BOP1: variants seen among roughly 807,000 people sequenced by gnomAD.
BOP1 encodes the protein BOP1 ribosomal biogenesis factor.
In BOP1, 54 loss-of-function variants were observed where a neutral mutation model predicts 82.9. That is an observed-to-expected ratio of 0.65 (90% confidence interval 0.52 to 0.82). The LOEUF (loss-of-function observed/expected upper bound fraction) is 0.82, where lower values mean the gene tolerates loss of function less well. BOP1 is among the 40% of genes least tolerant of loss of function. BOP1 has a pLI of 0.00. For missense variants in BOP1, 1,170 were observed against 1,072.0 expected, an observed-to-expected ratio of 1.09 and a Z score of -1.28; for synonymous variants, 566 against 451.1, an observed-to-expected ratio of 1.25 and a Z score of -3.23.
Position 144,284,697 on chromosome 8 carries a change from C to T in BOP1, c.309+4398G>A, listed in dbSNP as rs527978564. On this transcript the variant is annotated intron_variant, in intron 2 of 15. Coordinates refer to ENST00000569669, the MANE Select transcript of BOP1 (RefSeq NM_015201.5). ...AGGAGACTCGTTCCCTGGCACACCC[C>T]TCAGGAGCACCTGAGCATCCAAAGG... 5.3e-5 allele frequency among the ~76,000 whole-genome samples: 8 copies of T among 152,342 alleles called. No individual in the cohort carries two copies. The South Asian group carries it at 1.7e-3, about 32-fold the overall frequency.
Position 144,262,575 on chromosome 8 carries a change from C to G in BOP1, c.1979+13G>C, listed in dbSNP as rs1845232666. The stretch of plus-strand genomic sequence containing the variant: ...GGGCTCTGCTGGCCGCCTCCACCCC[C>G]AGCTTTCCTCACCTCAGCATCCTGT... On this transcript the variant is annotated intron_variant, in intron 14 of 15. Coordinates refer to ENST00000569669, the MANE Select transcript of BOP1 (RefSeq NM_015201.5). 1 of 1,613,376 alleles carries G rather than the reference C, an allele frequency of 6.2e-7. No individual in the cohort carries two copies. The highest frequency in any genetic ancestry group is 2.2e-5 in the East Asian group (1 of 44,882).
Position 144,264,448 on chromosome 8 carries a change from A to G in BOP1, c.766-11T>C. Reference sequence around the variant, plus strand: ...CACCATGCGAGAGACCTGCATAGACAGCCGGGTCAGGACGGGCAGTGCGGG... The same window carrying G: ...CACCATGCGAGAGACCTGCATAGACGGCCGGGTCAGGACGGGCAGTGCGGG... On this transcript the variant is annotated splice_polypyrimidine_tract_variant and intron_variant, in intron 6 of 15. Transcript: ENST00000569669. 6.2e-7 allele frequency: 1 copy of G among 1,605,370 alleles called. No homozygotes were observed. The highest frequency in any genetic ancestry group is 8.5e-7 in the Non-Finnish European group (1 of 1,179,670).
intron 2 of BOP1, among the ~76,000 whole-genome samples, chr8:144,283,017 CCTCT>C (rs1370657783): frequency 6.6e-6 from 1 of 150,412 alleles, no homozygotes; most frequent in Non-Finnish European, 1.5e-5. Context: ...GGTGACACTC[CCTCT>C]CTACTAAAAA....
At position 144,262,443 on chromosome 8, in the gene BOP1, T is replaced by C; in HGVS notation, c.2040A>G (p.Ser680=). ...AFHPRYPLFA[S]GSDDGSVIVC... is the part of the protein sequence containing the mutation. ...CGATGACACTGCCGTCGTCCGAGCC[T>C]GACGCAAAGAGTGGGTACCGCGGGT... The change falls in exon 15 of 16, where the codon TCA becomes TCG. Residue 680 remains serine, a synonymous_variant. Transcript: ENST00000569669. 1 of 1,612,904 alleles carries C rather than the reference T, an allele frequency of 6.2e-7. No individual in the cohort carries two copies. Among genetic ancestry groups the C allele is most frequent in the Non-Finnish European group, 8.5e-7 (1 of 1,179,830 alleles).
intron 2 of BOP1, among the ~76,000 whole-genome samples, chr8:144,285,027 G>A (rs1048826694): frequency 4.6e-5 from 7 of 152,322 alleles, no homozygotes; most frequent in South Asian, 4.1e-4. Context: ...GCCCCGGGCC[G>A]GTCTGGGTTG....
intron 3 of BOP1, chr8:144,266,994 G>A: frequency 1.3e-6 from 2 of 1,546,944 alleles, no homozygotes; most frequent in Non-Finnish European, 1.7e-6. Flanking sequence ...TCTCGCACCT[G>A]GGCAACGTGC....
chr8:144,272,953 G>A (rs1044581769), intron 3 of BOP1, among the ~76,000 whole-genome samples: 18 of 152,184 alleles, frequency 1.2e-4, no homozygotes, highest in African/African-American at 2.9e-4. Context: ...GACCAGACCC[G>A]AGGGCCAGCC....
intron 2 of BOP1, among the ~76,000 whole-genome samples, chr8:144,280,862 A>G (rs1187448844): frequency 6.6e-6 from 1 of 151,912 alleles, no homozygotes; most frequent in African/African-American, 2.4e-5. Flanking sequence ...GAAAAAAAAA[A>G]AAATCTGGAA....
rs1156735585 is a variant in BOP1, at chr8:144,262,090, G to C, written c.*74C>G. 2.5e-6 allele frequency: 4 copies of C among 1,600,194 alleles called. No homozygotes were observed. The highest frequency in any genetic ancestry group is 1.1e-5 in the South Asian group (1 of 90,428). ...TGGCAACCCCAATTCAAGAAGGTGG[G>C]AGCACCAGGCAGCACAGGGTAAAGG... is the stretch of plus-strand genomic sequence containing the variant. On this transcript the variant is annotated 3_prime_UTR_variant, in exon 16 of 16. Coordinates refer to ENST00000569669, the MANE Select transcript of BOP1 (RefSeq NM_015201.5).
At position 144,291,381 on chromosome 8, in the gene BOP1, G is replaced by T. The variant is rs1417087654; in HGVS notation, c.-11C>A. 8.4e-7 allele frequency: 1 copy of T among 1,192,342 alleles called. No individual in the cohort carries two copies. The allele number at this position is 1,192,342 out of a possible 1,614,324, so 73.9% of individuals were successfully genotyped here. On this transcript the variant is annotated 5_prime_UTR_variant, in exon 1 of 16. Transcript: ENST00000569669. The surrounding 1 kb of genome is among the most constrained non-coding windows in gnomAD (Gnocchi z 4.1). ...CCGCGAACCCGCCATGCCCCACCGC[G>T]CGCCGGCCGCCACCCGCACAGCCGC... is the stretch of plus-strand genomic sequence containing the variant.
chr8:144,262,789 C>G, intron 13 of BOP1, 64 bp downstream of exon 13: 2 of 1,184,154 alleles, frequency 1.7e-6, no homozygotes, highest in Non-Finnish European at 2.3e-6. Flanking sequence ...CACCCCTCAC[C>G]TGCAGGGTAC....
At position 144,264,627 on chromosome 8, in the gene BOP1, A is replaced by C; in HGVS notation, c.664-11T>G. 1 of 1,586,244 alleles carries C rather than the reference A, an allele frequency of 6.3e-7. No homozygotes were observed. The highest frequency in any genetic ancestry group is 1.1e-5 in the South Asian group (1 of 88,278). On this transcript the variant is annotated splice_polypyrimidine_tract_variant and intron_variant, in intron 5 of 15. Transcript: ENST00000569669. ...GAAGTCGACAGCCGGCTGGGGGAGA[A>C]GATGTGGGCGTGTGGGCCAGAGTGG...
At chr8:144,276,761 C>T (rs1469842293) in intron 2 of BOP1, among the ~76,000 whole-genome samples, 4 of 152,344 alleles carry the variant, frequency 2.6e-5, no homozygotes, top group Non-Finnish European at 2.9e-5. Flanking sequence ...AAGAAGGAGA[C>T]GCAGCCGTCG....
chr8:144,266,488 G>A (rs1369892560), intron 3 of BOP1: 3 of 986,284 alleles, frequency 3.0e-6, no homozygotes, highest in African/African-American at 1.8e-5. Flanking sequence ...ACGCCCGGCA[G>A]CTGCCACCGC....
chr8:144,290,690 T>A (rs1815031968), intron 1 of BOP1, among the ~76,000 whole-genome samples: 1 of 152,192 alleles, frequency 6.6e-6, no homozygotes, highest in Admixed American at 6.5e-5. Context: ...GGAGCCAGGA[T>A]GAGTTGAATT....
At chr8:144,279,657 T>C (rs1554838694) in intron 2 of BOP1, among the ~76,000 whole-genome samples, 1 of 152,106 alleles carries the variant, frequency 6.6e-6, no homozygotes, top group Non-Finnish European at 1.5e-5. Flanking sequence ...TTTCATCGCA[T>C]CAAGAGACAG....
chr8:144,272,360 C>G (rs1237645388), intron 3 of BOP1, among the ~76,000 whole-genome samples: 2 of 152,172 alleles, frequency 1.3e-5, no homozygotes, highest in African/African-American at 2.4e-5. Flanking sequence ...ACACACGTAC[C>G]TGGGACTCCC....
chr8:144,280,826 C>T lies in BOP1; in HGVS notation c.310-4522G>A, dbSNP rs184187252. Among the ~76,000 whole-genome samples, 558 of 151,966 alleles carry T rather than the reference C, an allele frequency of 3.7e-3. 1 individual carries two copies. Among genetic ancestry groups the T allele is most frequent in the African/African-American group, 0.012 (499 of 41,424 alleles). Reference sequence around the variant, plus strand: ...GAGATCAGGCTATTGCACTCCAGCCCGGGTGACAGACAGACTCTTGTCTCA... The same window carrying T: ...GAGATCAGGCTATTGCACTCCAGCCTGGGTGACAGACAGACTCTTGTCTCA... On this transcript the variant is annotated intron_variant, in intron 2 of 15. Transcript: ENST00000569669.
chr8:144,271,980 G>A (rs1845499600), intron 3 of BOP1, among the ~76,000 whole-genome samples: 1 of 152,158 alleles, frequency 6.6e-6, no homozygotes, highest in African/African-American at 2.4e-5. Context: ...GCAGGCTGGA[G>A]AGAAGCCACT....
Sources: allele counts gnomAD v4.1 joint callset (sites outside exome capture counted in the v4.1 genomes callset), GRCh38; gene constraint gnomAD v4.1.1; non-coding constraint Gnocchi (gnomAD v3.1); transcripts MANE v1.5; gene names NCBI Gene and HGNC (gene_info 2026-07-23, HGNC 2026-07-21).